Variants in FNIP2 observed in about 807,000 individuals in gnomAD.
FNIP2 encodes folliculin interacting protein 2, also known as folliculin-interacting protein 2.
In FNIP2, 32 loss-of-function variants were observed where a neutral mutation model predicts 108.7. The ratio of observed to expected loss-of-function variants is 0.29; its 90% CI spans 0.22 to 0.40. The LOEUF (loss-of-function observed/expected upper bound fraction) is 0.40, where lower values mean the gene tolerates loss of function less well. Among genes scored for constraint, FNIP2 ranks in the 10% least tolerant of loss-of-function variants. FNIP2 has a pLI of 1.00. For synonymous variants in FNIP2, 480 were observed against 496.7 expected, an observed-to-expected ratio of 0.97 and a Z score of 0.45; for missense variants, 1,202 against 1,381.6, an observed-to-expected ratio of 0.87 and a Z score of 2.06.
At chr4:158,833,087 A>G (rs1294022920) in intron 5 of FNIP2, among the ~76,000 whole-genome samples, 2 of 152,252 alleles carry the variant, frequency 1.3e-5, no homozygotes, top group Non-Finnish European at 2.9e-5. Context: ...AAAGTTGCTG[A>G]ATTGCTCATT....
intron 14 of FNIP2, chr4:158,872,383 T>C: frequency 2.0e-6 from 2 of 985,470 alleles, no homozygotes; most frequent in Non-Finnish European, 2.4e-6. Flanking sequence ...ATGTTTACTC[T>C]GTCATTACTC....
chr4:158,858,983 C>T (rs1780138702), intron 8 of FNIP2, 74 bp from the exon 9 acceptor site: 2 of 1,225,202 alleles, frequency 1.6e-6, no homozygotes, highest in East Asian at 2.3e-5. Context: ...GGGTGTCATC[C>T]CCAGTCATTA....
At chr4:158,861,527 A>C (rs1310836982) in intron 11 of FNIP2, 39 bp downstream of exon 11, 1 of 1,613,544 alleles carries the variant, frequency 6.2e-7, no homozygotes, top group Non-Finnish European at 8.5e-7. Context: ...TGCAAATCTC[A>C]TGGCCAATGT....
intron 16 of FNIP2, among the ~76,000 whole-genome samples, chr4:158,897,646 AG>A (rs1224816501): frequency 6.6e-6 from 1 of 152,114 alleles, no homozygotes; most frequent in Non-Finnish European, 1.5e-5. Context: ...TCTTCTTTTG[AG>A]AAGTGTCTGT....
intron 12 of FNIP2, among the ~76,000 whole-genome samples, chr4:158,864,999 C>G (rs1328573623): frequency 6.6e-6 from 1 of 152,100 alleles, no homozygotes; most frequent in Non-Finnish European, 1.5e-5. Flanking sequence ...CCATTTGCCA[C>G]CATTCCTTTC....
intron 7 of FNIP2, among the ~76,000 whole-genome samples, chr4:158,848,818 A>T (rs1438232003): frequency 6.6e-6 from 1 of 152,232 alleles, no homozygotes; most frequent in East Asian, 1.9e-4. Flanking sequence ...GAGTTGAAAA[A>T]TGCAATTGTC....
intron 1 of FNIP2, among the ~76,000 whole-genome samples, chr4:158,796,412 G>A (rs1776593167): frequency 6.6e-6 from 1 of 151,130 alleles, no homozygotes; most frequent in Admixed American, 6.6e-5. Flanking sequence ...AGAGCTTATT[G>A]TTCCCAAGGA....
chr4:158,824,786 CT>C (rs1778064802), intron 1 of FNIP2, among the ~76,000 whole-genome samples: 1 of 152,108 alleles, frequency 6.6e-6, no homozygotes, highest in Admixed American at 6.5e-5. Context: ...ACTCTCTGGC[CT>C]TTTTTCTTCT....
rs1277981079 is a variant in FNIP2 at position 158,831,747 on chromosome 4, T to C, written c.382-114T>C. ...GATTGTAAGATGACCACTTGAAGCTTTGAGAAATAGTTTTAATCACCGATG... is the reference window on the plus strand; with the variant it reads ...GATTGTAAGATGACCACTTGAAGCTCTGAGAAATAGTTTTAATCACCGATG... On this transcript the variant is annotated intron_variant, in intron 3 of 16. Transcript: ENST00000264433. 9 of 706,146 alleles carry C rather than the reference T, an allele frequency of 1.3e-5. No homozygotes were observed. In the East Asian group the frequency reaches 1.9e-4, roughly 15 times the overall value. The allele number at this position is 706,146 out of a possible 1,614,324, so 43.7% of individuals were successfully genotyped here. A position where few individuals can be genotyped will look rare whatever the true frequency, so the allele number is the denominator to read the frequency against.
At chr4:158,772,436 A>T (rs1467432666) in intron 1 of FNIP2, among the ~76,000 whole-genome samples, 1 of 152,188 alleles carries the variant, frequency 6.6e-6, no homozygotes, top group African/African-American at 2.4e-5. Context: ...TTAATGGAGC[A>T]GTTTCAAACC....
chr4:158,779,709 AC>A, intron 1 of FNIP2, among the ~76,000 whole-genome samples: 1 of 150,554 alleles, frequency 6.6e-6, no homozygotes, highest in Non-Finnish European at 1.5e-5. Context: ...AGCTAGGACC[AC>A]AGACAGGCAT....
intron 1 of FNIP2, among the ~76,000 whole-genome samples, chr4:158,779,037 G>T (rs1775948763): frequency 1.3e-5 from 2 of 152,184 alleles, no homozygotes; most frequent in African/African-American, 4.8e-5. Flanking sequence ...AAATAGCAGT[G>T]GTAGGGTGGT....
intron 14 of FNIP2, chr4:158,890,299 G>A: frequency 2.0e-6 from 2 of 984,922 alleles, no homozygotes; most frequent in Non-Finnish European, 2.4e-6. Flanking sequence ...TGATAATAGG[G>A]AAAAATATAA....
intron 1 of FNIP2, among the ~76,000 whole-genome samples, chr4:158,805,899 G>A (rs570532047): frequency 5.3e-5 from 8 of 152,302 alleles, no homozygotes; most frequent in African/African-American, 1.9e-4. Context: ...TTTGCTAACT[G>A]GAGTATAAGC....
rs1180781070 is a variant in FNIP2, at chr4:158,891,447, A to G, written c.2951A>G (p.His984Arg). The change falls in exon 15 of 17, where the codon CAT becomes CGT. Residue 984 changes from histidine (H) to arginine (R), a missense_variant and splice_region_variant. By Grantham distance (29) the His-to-Arg change is conservative (BLOSUM62 0). Transcript: ENST00000264433. ...CATCCCTTTGTGTTTCTTTTTCAGC[A>G]TCCAGTCCTGGATGAGCCAATAGCT... ...LVADLVHTVH[H>R]PVLDEPIAEA... is the part of the protein sequence containing the mutation. 3 of 1,593,766 alleles carry G rather than the reference A, an allele frequency of 1.9e-6. No homozygotes were observed. The African/African-American group carries it at 4.0e-5, about 21-fold the overall frequency.
chr4:158,840,980 G>T (rs73858593), intron 7 of FNIP2, among the ~76,000 whole-genome samples: 1 of 152,214 alleles, frequency 6.6e-6, no homozygotes, highest in African/African-American at 2.4e-5. Context: ...TGAACTTTCA[G>T]GGTAAGAATC....
rs191818739 is a variant in FNIP2 at position 158,772,497 on chromosome 4, G to A, written c.107+3178G>A. Among the ~76,000 whole-genome samples the A allele has an allele frequency of 7.4e-3, 1,131 of 152,266 alleles. 4 individuals carry two copies. The highest frequency in any genetic ancestry group is 0.011 in the Non-Finnish European group (757 of 68,018). On this transcript the variant is annotated intron_variant, in intron 1 of 16. Coordinates refer to ENST00000264433, the MANE Select transcript of FNIP2 (RefSeq NM_020840.3). ...GTGAAAAGACCTTGGGCTACCAGAT[G>A]TTCTTTTATTTTGGAGCAGTTAAAT...
At position 158,861,625 on chromosome 4, in the gene FNIP2, G is replaced by A; in HGVS notation, c.1314G>A (p.Leu438=). 1 of 1,613,956 alleles carries A rather than the reference G, an allele frequency of 6.2e-7. No individual in the cohort carries two copies. Among genetic ancestry groups the A allele is most frequent in the Middle Eastern group, 1.6e-4 (1 of 6,062 alleles). ...CTCCAAGGTTTTTTGCTGCCTTACT[G>A]ACTGCGGTGTTAACCTACCACCTGG... is the stretch of plus-strand genomic sequence containing the variant. ...INKNQFFAAL[L]TAVLTYHLAW... Residue 438 remains leucine (L), a synonymous_variant, in exon 12 of 17, where the codon CTG becomes CTA. Coordinates refer to ENST00000264433, the MANE Select transcript of FNIP2 (RefSeq NM_020840.3).
intron 8 of FNIP2, among the ~76,000 whole-genome samples, chr4:158,853,333 C>T (rs895219729): frequency 4.6e-5 from 7 of 152,188 alleles, no homozygotes; most frequent in African/African-American, 1.7e-4. Context: ...TCTGCTGATG[C>T]AGTCTTACAT....
Sources: allele counts gnomAD v4.1 joint callset (sites outside exome capture counted in the v4.1 genomes callset), GRCh38; gene constraint gnomAD v4.1.1; transcripts MANE v1.5; gene names NCBI Gene and HGNC (gene_info 2026-07-23, HGNC 2026-07-21).